Variants in FOXP2 observed in about 807,000 individuals in gnomAD.
The protein encoded by FOXP2 is forkhead box P2.
FOXP2 carries 12 observed loss-of-function variants against 115.8 expected under a neutral mutation model. That is an observed-to-expected ratio of 0.10 (90% CI 0.07 to 0.17). The LOEUF is 0.17. Ranked by LOEUF, FOXP2 falls within the 10% of genes least tolerant of loss-of-function variation. FOXP2 has a pLI of 1.00. For synonymous variants in FOXP2, 328 were observed against 297.7 expected, an observed-to-expected ratio of 1.10 and a Z score of -1.05; for missense variants, 629 against 843.5, an observed-to-expected ratio of 0.75 and a Z score of 3.15.
rs114570164 is a variant in FOXP2, at chr7:114,625,715, C to T, written c.259-2825C>T. Among the ~76,000 whole-genome samples the T allele has an allele frequency of 6.3e-3, 949 of 151,682 alleles. 10 individuals carry two copies. Among genetic ancestry groups the T allele is most frequent in the African/African-American group, 0.022 (898 of 41,442 alleles). On this transcript the variant is annotated intron_variant, in intron 3 of 16. Transcript: ENST00000350908. ...ATGCATTTCTCAAATTGCAAGTGGA[C>T]GGGTCTGCAATATTACTGACCTTTG...
At chr7:114,410,285 T>A (rs1199960595), upstream of FOXP2, among the ~76,000 whole-genome samples, 2 of 152,124 alleles carry the variant, frequency 1.3e-5, no homozygotes, top group African/African-American at 4.8e-5. Context: ...CTATGAATTC[T>A]TCTCCTACTT....
chr7:114,140,685 A>G (rs553881868), intron 1 of FOXP2, among the ~76,000 whole-genome samples: 5 of 152,290 alleles, frequency 3.3e-5, no homozygotes, highest in African/African-American at 1.2e-4. Context: ...GGTGCCTCCA[A>G]ACTTTACTCA....
intron 1 of FOXP2, among the ~76,000 whole-genome samples, chr7:114,279,499 T>C (rs1247072756): frequency 2.6e-5 from 4 of 152,198 alleles, no homozygotes; most frequent in Non-Finnish European, 2.9e-5. Context: ...TTTACTTATC[T>C]AGACTGCCTG....
At chr7:114,167,721 G>A (rs1562989165) in intron 1 of FOXP2, among the ~76,000 whole-genome samples, 1 of 152,210 alleles carries the variant, frequency 6.6e-6, no homozygotes, top group Admixed American at 6.5e-5. Flanking sequence ...CGGATCAGGA[G>A]GTCAGGAGAT....
chr7:114,684,041 T>C (rs1198577751), intron 16 of FOXP2, among the ~76,000 whole-genome samples: 1 of 152,044 alleles, frequency 6.6e-6, no homozygotes, highest in Non-Finnish European at 1.5e-5. Context: ...TTTAAAAAAT[T>C]TTTCTTTATG....
chr7:114,523,486 G>T (rs139298376), intron 2 of FOXP2, among the ~76,000 whole-genome samples: 1 of 152,014 alleles, frequency 6.6e-6, no homozygotes, highest in Admixed American at 6.6e-5. Flanking sequence ...GTAGATCTGC[G>T]GTAGCATTTC....
intron 3 of FOXP2, among the ~76,000 whole-genome samples, chr7:114,628,003 A>G (rs1043992321): frequency 6.6e-6 from 1 of 152,000 alleles, no homozygotes; most frequent in African/African-American, 2.4e-5. Context: ...TTATTACTAT[A>G]TTTATTTTCT....
intron 2 of FOXP2, chr7:114,499,192 A>C (rs893351480): frequency 3.4e-5 from 14 of 409,372 alleles, no homozygotes; most frequent in Non-Finnish European, 5.7e-5. Flanking sequence ...ACTTTTGCTC[A>C]ATACCTATCA....
At chr7:114,499,663 G>T (rs1273392522) in intron 2 of FOXP2, 1 of 152,124 alleles carries the variant, frequency 6.6e-6, no homozygotes, top group East Asian at 1.9e-4. Context: ...ACTTAATGAT[G>T]TGACTGTCCT....
intron 2 of FOXP2, among the ~76,000 whole-genome samples, chr7:114,458,064 A>G (rs765482777): frequency 2.0e-5 from 3 of 152,176 alleles, no homozygotes; most frequent in Non-Finnish European, 4.4e-5. Flanking sequence ...CATATAAATC[A>G]AAGGAAAATA....
chr7:114,420,267 T>G (rs991165603), intron 1 of FOXP2, among the ~76,000 whole-genome samples: 1 of 151,922 alleles, frequency 6.6e-6, no homozygotes, highest in African/African-American at 2.4e-5. Flanking sequence ...GGAATTTGAC[T>G]GTAAGTGGAC....
At chr7:114,189,423 T>G (rs1246152149) in intron 1 of FOXP2, among the ~76,000 whole-genome samples, 1 of 152,176 alleles carries the variant, frequency 6.6e-6, no homozygotes, top group Admixed American at 6.5e-5. Flanking sequence ...ATGGTAAACC[T>G]TTAAAATTAT....
At chr7:114,459,459 A>G (rs559582631) in intron 2 of FOXP2, among the ~76,000 whole-genome samples, 1 of 152,364 alleles carries the variant, frequency 6.6e-6, no homozygotes, top group Non-Finnish European at 1.5e-5. Flanking sequence ...TTTCAGACTT[A>G]TGGTCCAGTA....
intron 2 of FOXP2, among the ~76,000 whole-genome samples, chr7:114,444,856 T>C (rs1251467291): frequency 1.3e-5 from 2 of 152,140 alleles, no homozygotes; most frequent in African/African-American, 4.8e-5. Flanking sequence ...GGGAAAACTC[T>C]TAATAGTGGT....
At chr7:114,267,397 T>A (rs1014007954) in intron 1 of FOXP2, among the ~76,000 whole-genome samples, 1 of 152,170 alleles carries the variant, frequency 6.6e-6, no homozygotes. Context: ...AGATATTCGC[T>A]CTTACATGAA....
chr7:114,336,772 G>C (rs1181534170), intron 2 of FOXP2, among the ~76,000 whole-genome samples: 1 of 151,338 alleles, frequency 6.6e-6, no homozygotes, highest in Non-Finnish European at 1.5e-5. Flanking sequence ...ACAATAATCT[G>C]TTCATTTGTC....
At chr7:114,570,941 C>A (rs1801270584) in intron 3 of FOXP2, 1 of 1,385,700 alleles carries the variant, frequency 7.2e-7, no homozygotes, top group African/African-American at 1.4e-5. Context: ...GGACCCAGTC[C>A]CACTAAATAG....
intron 6 of FOXP2, among the ~76,000 whole-genome samples, chr7:114,637,058 G>A (rs1805261429): frequency 6.6e-6 from 1 of 151,948 alleles, no homozygotes; most frequent in African/African-American, 2.4e-5. Flanking sequence ...CCTGTGGTCG[G>A]TCACATCCCA....
chr7:114,469,379 G>A (rs1795947022), intron 2 of FOXP2, among the ~76,000 whole-genome samples: 1 of 152,026 alleles, frequency 6.6e-6, no homozygotes, highest in South Asian at 2.1e-4. Flanking sequence ...TTCTTTTTTG[G>A]GTCAATGCTT....
Sources: allele counts gnomAD v4.1 joint callset (sites outside exome capture counted in the v4.1 genomes callset), GRCh38; gene constraint gnomAD v4.1.1; transcripts MANE v1.5; gene names NCBI Gene and HGNC (gene_info 2026-07-23, HGNC 2026-07-21).